ATXN7: variants seen among roughly 807,000 people sequenced by gnomAD.
The protein encoded by ATXN7 is ataxin 7.
ATXN7 carries 12 observed loss-of-function variants against 70.5 expected under a neutral mutation model. That is an observed-to-expected ratio of 0.17 (90% confidence interval 0.11 to 0.28). ATXN7 has a LOEUF of 0.28. ATXN7 is among the 10% of genes least tolerant of loss of function. The pLI is 1.00. For missense variants in ATXN7, 1,256 were observed against 1,131.7 expected (o/e 1.11, Z -1.58); for synonymous variants, 498 against 448.7 (o/e 1.11, Z -1.39).
In ATXN7 at chr3:63,867,899, C is replaced by T. The variant is rs550665125; in HGVS notation, c.-111+3741C>T. Among the ~76,000 whole-genome samples, 7 of 150,622 alleles carry T rather than the reference C, an allele frequency of 4.6e-5. No homozygotes were observed. The South Asian group carries it at 1.0e-3, about 22-fold the overall frequency. ...GACACTGAAATAAATAAATAAATAA[C>T]AAACAAATAAATAAATAAAGTTGTC... On this transcript the variant is annotated intron_variant, in intron 1 of 12. Coordinates refer to ENST00000674280, the MANE Select transcript of ATXN7 (RefSeq NM_001377405.1).
chr3:63,961,343 C>G (rs151253612), intron 5 of ATXN7, among the ~76,000 whole-genome samples: 1 of 152,144 alleles, frequency 6.6e-6, no homozygotes, highest in Non-Finnish European at 1.5e-5. Flanking sequence ...CTTAACCTGA[C>G]TCCTGTTGAT....
intron 12 of ATXN7, chr3:63,998,202 G>GA: frequency 1.1e-6 from 1 of 951,078 alleles, no homozygotes; most frequent in African/African-American, 2.0e-5. Flanking sequence ...AGGACAGAAG[G>GA]GGGGGGGGCC....
In ATXN7 at chr3:63,979,911, T is replaced by C; in HGVS notation, c.500-4T>C. Reference sequence around the variant, plus strand: ...TGTCTTTTTTTCTTTGCTTTCGTTTTCAGAAAGAAGACATAGCTCATCCAG... The same window carrying C: ...TGTCTTTTTTTCTTTGCTTTCGTTTCCAGAAAGAAGACATAGCTCATCCAG... On this transcript the variant is annotated splice_region_variant and splice_polypyrimidine_tract_variant and intron_variant, in intron 5 of 12. Transcript: ENST00000674280. The C allele has an allele frequency of 6.2e-7, 1 of 1,612,328 alleles. No homozygotes were observed. Among genetic ancestry groups the C allele is most frequent in the Non-Finnish European group, 8.5e-7 (1 of 1,178,886 alleles).
Position 63,912,904 on chromosome 3 carries a change from C to T in ATXN7, c.306C>T (p.Ser102=), listed in dbSNP as rs770295927. 9 of 1,613,310 alleles carry T rather than the reference C, an allele frequency of 5.6e-6. No individual in the cohort carries two copies. Among genetic ancestry groups the T allele is most frequent in the Non-Finnish European group, 7.6e-6 (9 of 1,179,754 alleles). The change falls in exon 3 of 13, where the codon TCC becomes TCT. Residue 102 remains serine, a synonymous_variant. Transcript: ENST00000674280. ...CGTGGAATCTGTGGGTTGAGGCTTCCAAACTTCCTGGGAAGGACGGTGAGT... is the reference window on the plus strand; with the variant it reads ...CGTGGAATCTGTGGGTTGAGGCTTCTAAACTTCCTGGGAAGGACGGTGAGT... The part of the protein sequence containing the change: ...GQSWNLWVEA[S]KLPGKDGTEL...
intron 4 of ATXN7, among the ~76,000 whole-genome samples, chr3:63,946,636 C>G (rs978519850): frequency 2.1e-5 from 3 of 140,528 alleles, no homozygotes; most frequent in African/African-American, 5.5e-5. Flanking sequence ...GAGCGAGACT[C>G]TGTCTCAAAA....
chr3:63,951,260 G>C (rs978728251), intron 4 of ATXN7, among the ~76,000 whole-genome samples: 1 of 151,816 alleles, frequency 6.6e-6, no homozygotes, highest in Non-Finnish European at 1.5e-5. Context: ...TACTAGATCA[G>C]TAATTTGATA....
In ATXN7 at chr3:63,990,348, T is replaced by G. The variant is rs771875858; in HGVS notation, c.1534T>G (p.Ser512Ala). The G allele has an allele frequency of 1.9e-6, 3 of 1,614,152 alleles. No homozygotes were observed. Among genetic ancestry groups the G allele is most frequent in the Non-Finnish European group, 1.7e-6 (2 of 1,180,034 alleles). The change falls in exon 10 of 13, where the codon TCA becomes GCA. Residue 512 changes from serine to alanine, a missense_variant. Physicochemically the swap from Ser to Ala is moderately conservative, Grantham distance 99. Transcript: ENST00000674280. ...TGTTGAAAAACTGGACTGTCATTAT[T>G]CAGGTCATCATCCTCAGCCAGCATC... ...ESVEKLDCHY[S>A]GHHPQPASFC...
At chr3:63,962,972 G>A (rs1000542786) in intron 5 of ATXN7, among the ~76,000 whole-genome samples, 1 of 148,156 alleles carries the variant, frequency 6.7e-6, no homozygotes, top group African/African-American at 2.5e-5. Context: ...CTAGAGTGCA[G>A]TGGCGTGATC....
At chr3:63,887,991 T>C (rs1395072821) in intron 1 of ATXN7, among the ~76,000 whole-genome samples, 2 of 152,110 alleles carry the variant, frequency 1.3e-5, no homozygotes, top group African/African-American at 2.4e-5. Flanking sequence ...CTTTGTAAGA[T>C]ACCCAGATAT....
chr3:63,997,486 A>G (rs1238555940), intron 12 of ATXN7: 12 of 689,846 alleles, frequency 1.7e-5, no homozygotes, highest in Non-Finnish European at 3.0e-5. Flanking sequence ...ATTAACCATG[A>G]CTTTCTCTCT....
At chr3:63,878,559 T>C (rs1702812317) in intron 1 of ATXN7, 1 of 152,236 alleles carries the variant, frequency 6.6e-6, no homozygotes, top group African/African-American at 2.4e-5. Flanking sequence ...GGTGTGTGGT[T>C]TGCTTTCTTA....
chr3:63,993,373 C>T (rs537373999), intron 11 of ATXN7, among the ~76,000 whole-genome samples: 1 of 149,610 alleles, frequency 6.7e-6, no homozygotes, highest in African/African-American at 2.5e-5. Flanking sequence ...TGGGGTGAAC[C>T]CGGGAGGCAG....
intron 2 of ATXN7, chr3:63,901,773 T>TTG (rs147250346): frequency 0.1 from 15,564 of 152,122 alleles, 974 homozygotes; most frequent in Middle Eastern, 0.15. Flanking sequence ...TAGTATTCCA[T>TTG]TGTGTGTGTG....
Position 63,924,395 on chromosome 3 carries a change from A to G in ATXN7, c.394+11170A>G, listed in dbSNP as rs139676458. Among the ~76,000 whole-genome samples, 993 of 151,978 alleles carry G rather than the reference A, an allele frequency of 6.5e-3. 12 individuals carry two copies. The highest frequency in any genetic ancestry group is 0.021 in the African/African-American group (892 of 41,522). On this transcript the variant is annotated intron_variant, in intron 4 of 12. Transcript: ENST00000674280. ...GAGACTGGGTCAGTCTGTATCCTCAACATACAGAGGACATGGAAAGTCGTG... is the reference window on the plus strand; with the variant it reads ...GAGACTGGGTCAGTCTGTATCCTCAGCATACAGAGGACATGGAAAGTCGTG...
intron 4 of ATXN7, among the ~76,000 whole-genome samples, chr3:63,931,540 G>A (rs536902154): frequency 1.3e-5 from 2 of 152,284 alleles, no homozygotes; most frequent in African/African-American, 4.8e-5. Context: ...GAAGGCCCCT[G>A]GCTAATGAGG....
intron 1 of ATXN7, among the ~76,000 whole-genome samples, chr3:63,870,406 G>A (rs1043792568): frequency 1.1e-4 from 17 of 152,190 alleles, no homozygotes; most frequent in African/African-American, 3.9e-4. Flanking sequence ...GCACACACAC[G>A]TATGTGTGTG....
In ATXN7 at chr3:63,948,917, A is replaced by G. The variant is rs139541098; in HGVS notation, c.395-3462A>G. Among the ~76,000 whole-genome samples the G allele has an allele frequency of 5.5e-3, 836 of 152,334 alleles. 9 individuals carry two copies. Among genetic ancestry groups the G allele is most frequent in the African/African-American group, 0.019 (788 of 41,586 alleles). On this transcript the variant is annotated intron_variant, in intron 4 of 12. Coordinates refer to ENST00000674280, the MANE Select transcript of ATXN7 (RefSeq NM_001377405.1). ...TTTAGAATCCATTAATTCAAGTACA[A>G]TTTTTAAACTTTATGCTCAAGTACA...
chr3:63,921,845 AGG>A (rs1704523029), intron 4 of ATXN7, among the ~76,000 whole-genome samples: 1 of 152,148 alleles, frequency 6.6e-6, no homozygotes, highest in South Asian at 2.1e-4. Flanking sequence ...GATATAATGC[AGG>A]TTATCAGTAA....
At chr3:63,999,258 G>T (rs1031197345) in intron 12 of ATXN7, 192 bp from the exon 13 acceptor site, 3 of 561,776 alleles carry the variant, frequency 5.3e-6, no homozygotes. Context: ...TGCAATGATT[G>T]TGCCCAGTAG....
Sources: allele counts gnomAD v4.1 joint callset (sites outside exome capture counted in the v4.1 genomes callset), GRCh38; gene constraint gnomAD v4.1.1; transcripts MANE v1.5; gene names NCBI Gene and HGNC (gene_info 2026-07-23, HGNC 2026-07-21).